PRKAR2B: variants seen among roughly 807,000 people sequenced by gnomAD.
PRKAR2B encodes the protein cAMP-dependent protein kinase type II-beta regulatory subunit.
In PRKAR2B, 14 loss-of-function variants were observed where a neutral mutation model predicts 49.9. The observed-to-expected ratio is 0.28, with a 90% CI of 0.19 to 0.44. PRKAR2B has a LOEUF of 0.44. Among genes scored for constraint, PRKAR2B ranks in the 20% least tolerant of loss-of-function variants. PRKAR2B has a pLI of 1.00. For missense variants in PRKAR2B, 393 were observed against 537.9 expected, an observed-to-expected ratio of 0.73 and a Z score of 2.67; for synonymous variants, 196 against 197.7, an observed-to-expected ratio of 0.99 and a Z score of 0.07.
intron 4 of PRKAR2B, among the ~76,000 whole-genome samples, chr7:107,135,059 A>G (rs1221068664): frequency 6.6e-6 from 1 of 152,134 alleles, no homozygotes; most frequent in Non-Finnish European, 1.5e-5. Context: ...AGATAAAATT[A>G]TTTGCCAATC....
At chr7:107,077,043 T>A (rs1794412378) in intron 2 of PRKAR2B, among the ~76,000 whole-genome samples, 1 of 152,234 alleles carries the variant, frequency 6.6e-6, no homozygotes, top group East Asian at 1.9e-4. Context: ...TTAAGGTTAT[T>A]TGACGATAAC....
At chr7:107,059,407 T>C (rs775647857) in intron 1 of PRKAR2B, among the ~76,000 whole-genome samples, 3 of 152,094 alleles carry the variant, frequency 2.0e-5, no homozygotes, top group Non-Finnish European at 4.4e-5. Flanking sequence ...ATGCATTTAG[T>C]GTTTGTGTTT....
chr7:107,104,689 G>C (rs1319788193), intron 2 of PRKAR2B, among the ~76,000 whole-genome samples: 1 of 152,168 alleles, frequency 6.6e-6, no homozygotes, highest in African/African-American at 2.4e-5. Context: ...AAACCTTGAG[G>C]GAGGACAGTC....
rs1463661065 is a variant in PRKAR2B at position 107,112,481 on chromosome 7, A to G, written c.344-9471A>G. 2.0e-5 allele frequency among the ~76,000 whole-genome samples: 3 copies of G among 152,280 alleles called. No individual in the cohort carries two copies. In the East Asian group the frequency reaches 5.8e-4, roughly 29 times the overall value. On this transcript the variant is annotated intron_variant, in intron 2 of 10. Transcript: ENST00000265717. ...AACAAAAAAACACAAATTAAAATAAATATCCATATATTATTACTGATTCCT... is the reference window on the plus strand; with the variant it reads ...AACAAAAAAACACAAATTAAAATAAGTATCCATATATTATTACTGATTCCT...
At chr7:107,158,957 T>G (rs180899862) in intron 10 of PRKAR2B, among the ~76,000 whole-genome samples, 3 of 152,258 alleles carry the variant, frequency 2.0e-5, no homozygotes, top group African/African-American at 7.2e-5. Flanking sequence ...AACAAAAGCA[T>G]TATGTCAGCT....
chr7:107,084,650 T>C (rs1451112837), intron 2 of PRKAR2B, among the ~76,000 whole-genome samples: 1 of 151,476 alleles, frequency 6.6e-6, no homozygotes, highest in African/African-American at 2.4e-5. Context: ...AGATGGAGTC[T>C]TGCTCTGTCA....
Position 107,156,924 on chromosome 7 carries a change from C to G in PRKAR2B, c.919-60C>G, listed in dbSNP as rs1404051558. 4.2e-6 allele frequency: 6 copies of G among 1,422,532 alleles called. No homozygotes were observed. In the East Asian group the frequency reaches 1.4e-4, roughly 32 times the overall value. 88.1% of individuals were successfully genotyped at this position (1,422,532 alleles called of 1,614,324 possible). A position where few individuals can be genotyped will look rare whatever the true frequency, so the allele number is the denominator to read the frequency against. On this transcript the variant is annotated intron_variant, in intron 8 of 10. Transcript: ENST00000265717. ...TCAATTTTAGGGATATGAAAGGTAA[C>G]AAGATTGTTGTCAATTAATTTGCAT... is the stretch of plus-strand genomic sequence containing the variant.
In PRKAR2B at chr7:107,044,851, G is replaced by C. The variant is rs1793656429; in HGVS notation, c.-57G>C. 2 of 1,482,486 alleles carry C rather than the reference G, an allele frequency of 1.3e-6. No individual in the cohort carries two copies. Among genetic ancestry groups the C allele is most frequent in the Admixed American group, 4.1e-5 (2 of 48,358 alleles). The allele number at this position is 1,482,486 out of a possible 1,614,324, so 91.8% of individuals were successfully genotyped here. ...TCGCTCGGCAGCCGCGGGGCCCTAG[G>C]CCGTGCCGGGGAGGGGGCGAGGGCG... On this transcript the variant is annotated 5_prime_UTR_variant, in exon 1 of 11. Transcript: ENST00000265717.
intron 3 of PRKAR2B, among the ~76,000 whole-genome samples, chr7:107,126,603 C>T (rs1462133694): frequency 6.6e-6 from 1 of 152,014 alleles, no homozygotes; most frequent in African/African-American, 2.4e-5. Context: ...ACTCTCCTCT[C>T]CCCCCTTTCC....
At chr7:107,050,266 T>G (rs1450986523) in intron 1 of PRKAR2B, among the ~76,000 whole-genome samples, 1 of 150,866 alleles carries the variant, frequency 6.6e-6, no homozygotes, top group Non-Finnish European at 1.5e-5. Context: ...ATTGAAGCAT[T>G]AGTACTTTAA....
chr7:107,084,482 A>T (rs1057263023), intron 2 of PRKAR2B, among the ~76,000 whole-genome samples: 3 of 152,032 alleles, frequency 2.0e-5, no homozygotes, highest in Non-Finnish European at 2.9e-5. Flanking sequence ...ACAAATAGGA[A>T]ACTTATACAT....
rs141894164 is a variant in PRKAR2B, at chr7:107,153,227, C to T, written c.894C>T (p.Asn298=). ...ATGTGATAGGCACCAAAGTATACAA[C>T]GATGGAGAACAAATCATTGCTCAGG... is the stretch of plus-strand genomic sequence containing the variant. ...VVDVIGTKVY[N]DGEQIIAQGD... is the part of the protein sequence containing the mutation. Residue 298 remains asparagine, a synonymous_variant, in exon 8 of 11, where the codon AAC becomes AAT. Coordinates refer to ENST00000265717, the MANE Select transcript of PRKAR2B (RefSeq NM_002736.3). 1.6e-5 allele frequency: 26 copies of T among 1,605,976 alleles called. No individual in the cohort carries two copies. The highest frequency in any genetic ancestry group is 9.4e-5 in the African/African-American group (7 of 74,578).
intron 2 of PRKAR2B, among the ~76,000 whole-genome samples, chr7:107,104,014 A>G (rs1181604433): frequency 6.6e-6 from 1 of 151,220 alleles, no homozygotes; most frequent in Non-Finnish European, 1.5e-5. Context: ...TTTTCCCCAC[A>G]ATGTTTTTTT....
Position 107,146,333 on chromosome 7 carries a change from T to A in PRKAR2B, c.613T>A (p.Cys205Ser), listed in dbSNP as rs761724038. The A allele has an allele frequency of 6.2e-7, 1 of 1,614,098 alleles. No individual in the cohort carries two copies. Among genetic ancestry groups the A allele is most frequent in the Non-Finnish European group, 8.5e-7 (1 of 1,179,990 alleles). Residue 205 changes from cysteine to serine, a missense_variant, in exon 6 of 11, where the codon TGT becomes AGT. By Grantham distance (112) the Cys-to-Ser change is moderately radical. Around this residue, in one of 2 missense-constraint regions of PRKAR2B, gnomAD observed 233 missense variants for 390.4 expected, o/e 0.60. Transcript: ENST00000265717. ...DRGTFDIYVK[C>S]DGVGRCVGNY... ...AGGCACATTTGATATTTATGTGAAA[T>A]GTGATGGTGTTGGAAGATGTGTTGG...
chr7:107,084,776 T>A (rs1410667611), intron 2 of PRKAR2B, among the ~76,000 whole-genome samples: 3 of 151,956 alleles, frequency 2.0e-5, no homozygotes, highest in Non-Finnish European at 4.4e-5. Context: ...CCTGCCACCA[T>A]GCCTGGCTAA....
intron 1 of PRKAR2B, among the ~76,000 whole-genome samples, chr7:107,065,358 G>A (rs1295695715): frequency 7.1e-6 from 1 of 141,280 alleles, no homozygotes; most frequent in Admixed American, 6.9e-5. Context: ...GTGTGTGTGT[G>A]TGTGTGTGTG....
chr7:107,062,578 G>A (rs1196251924), intron 1 of PRKAR2B, among the ~76,000 whole-genome samples: 1 of 152,154 alleles, frequency 6.6e-6, no homozygotes, highest in African/African-American at 2.4e-5. Flanking sequence ...CAGTAAGGGG[G>A]TTCAAGGAAA....
chr7:107,129,350 A>G (rs920512549), intron 4 of PRKAR2B, among the ~76,000 whole-genome samples: 2 of 152,152 alleles, frequency 1.3e-5, no homozygotes, highest in Non-Finnish European at 2.9e-5. Context: ...CTGAGTCTCC[A>G]TTACTGGCTT....
At chr7:107,069,085 T>C (rs950995642) in intron 1 of PRKAR2B, among the ~76,000 whole-genome samples, 27 of 152,042 alleles carry the variant, frequency 1.8e-4, no homozygotes, top group Non-Finnish European at 2.9e-5. Context: ...GAGGCACCTG[T>C]CACCATGCCC....
Sources: allele counts gnomAD v4.1 joint callset (sites outside exome capture counted in the v4.1 genomes callset), GRCh38; gene constraint gnomAD v4.1.1; regional missense constraint gnomAD v4.1.1; transcripts MANE v1.5; gene names NCBI Gene and HGNC (gene_info 2026-07-23, HGNC 2026-07-21).